The following SUSD3 variants were observed in gnomAD, a reference collection of about 807,000 sequenced individuals.
SUSD3 encodes the protein sushi domain containing 3, also known as sushi domain-containing protein 3.
A neutral mutation model predicts 20.6 loss-of-function variants in SUSD3; 18 were observed. That is an observed-to-expected ratio of 0.87 (90% CI 0.60 to 1.30). SUSD3 has a LOEUF of 1.30. Among genes scored for constraint, SUSD3 ranks in the 50% most tolerant of loss-of-function variants. The pLI is 0.00. For missense variants in SUSD3, 306 were observed against 346.9 expected (o/e 0.88, Z 0.94); for synonymous variants, 137 against 141.5 (o/e 0.97, Z 0.23).
At chr9:93,079,716 GC>G in intron 4 of SUSD3, 114 bp downstream of exon 4, 1 of 1,168,188 alleles carries the variant, frequency 8.6e-7, no homozygotes, top group Non-Finnish European at 1.2e-6. Context: ...CACACGCCTA[GC>G]CCACCCAGAA....
chr9:93,067,057 T>G (rs745723713), intron 1 of SUSD3, among the ~76,000 whole-genome samples: 1 of 152,192 alleles, frequency 6.6e-6, no homozygotes. Context: ...GAAGATCCCA[T>G]ACCCCTTAGC....
intron 4 of SUSD3, among the ~76,000 whole-genome samples, chr9:93,081,305 C>T (rs532017410): frequency 6.2e-4 from 95 of 152,260 alleles, no homozygotes; most frequent in African/African-American, 1.1e-3. Flanking sequence ...GGCATCCAGA[C>T]GACATCATTG....
chr9:93,080,524 C>T (rs527833921), intron 4 of SUSD3, among the ~76,000 whole-genome samples: 24 of 152,172 alleles, frequency 1.6e-4, no homozygotes, highest in Non-Finnish European at 3.2e-4. Context: ...CTCCTGTCTG[C>T]GTCTGTCTGG....
intron 1 of SUSD3, among the ~76,000 whole-genome samples, chr9:93,071,354 G>A (rs560074577): frequency 1.4e-4 from 21 of 152,354 alleles, no homozygotes; most frequent in Admixed American, 1.2e-3. Context: ...CCCGACAGCC[G>A]TTGGCAAGCC....
chr9:93,058,926 G>A, intron 1 of SUSD3, 96 bp downstream of exon 1: 2 of 690,168 alleles, frequency 2.9e-6, no homozygotes, highest in South Asian at 5.0e-5. Context: ...GCACAGCCGT[G>A]GGTGGGGGCC....
chr9:93,074,541 G>C (rs186020449), intron 1 of SUSD3, among the ~76,000 whole-genome samples: 72 of 151,440 alleles, frequency 4.8e-4, no homozygotes, highest in African/African-American at 1.7e-3. Context: ...CTGGAGGCGT[G>C]GGTTGTTTCA....
intron 1 of SUSD3, among the ~76,000 whole-genome samples, chr9:93,069,948 T>A (rs1350451267): frequency 6.6e-6 from 1 of 152,048 alleles, no homozygotes; most frequent in Non-Finnish European, 1.5e-5. Flanking sequence ...ACCCGGTTAA[T>A]TTTTGATTTT....
chr9:93,065,615 C>T (rs930718291), intron 1 of SUSD3, among the ~76,000 whole-genome samples: 2 of 152,228 alleles, frequency 1.3e-5, no homozygotes, highest in African/African-American at 4.8e-5. Flanking sequence ...GTGGCCAGCC[C>T]GTGGCTGCCC....
chr9:93,081,380 C>G (rs1826408127), intron 4 of SUSD3, among the ~76,000 whole-genome samples: 1 of 152,174 alleles, frequency 6.6e-6, no homozygotes, highest in Admixed American at 6.5e-5. Context: ...GCACTTGGTC[C>G]CAGCCCTCAT....
chr9:93,061,688 C>T (rs1268759841), intron 1 of SUSD3, among the ~76,000 whole-genome samples: 3 of 152,202 alleles, frequency 2.0e-5, no homozygotes, highest in Non-Finnish European at 2.9e-5. Flanking sequence ...CCAGGCCTGT[C>T]CCCACTGCCA....
intron 1 of SUSD3, among the ~76,000 whole-genome samples, chr9:93,067,108 C>T (rs1825747634): frequency 6.6e-6 from 1 of 152,236 alleles, no homozygotes; most frequent in Admixed American, 6.5e-5. Flanking sequence ...CTTCTGACAG[C>T]CACTAATCTG....
intron 1 of SUSD3, among the ~76,000 whole-genome samples, chr9:93,063,875 C>T (rs572373647): frequency 6.6e-6 from 1 of 152,206 alleles, no homozygotes; most frequent in Non-Finnish European, 1.5e-5. Flanking sequence ...CCAGCCCCAC[C>T]AGGCACCATC....
At chr9:93,069,179 G>A (rs1340253154) in intron 1 of SUSD3, 1 of 701,378 alleles carries the variant, frequency 1.4e-6, no homozygotes. Flanking sequence ...CACTCTGAGT[G>A]TTGTGATGAA....
At position 93,058,726 on chromosome 9, in the gene SUSD3, G is replaced by C. The variant is rs975151475; in HGVS notation, c.-17G>C. On this transcript the variant is annotated 5_prime_UTR_variant, in exon 1 of 5. Coordinates refer to ENST00000375472, the MANE Select transcript of SUSD3 (RefSeq NM_145006.4). ...ACTCCCCTGGCAGACCCCGCCAAGC[G>C]CCTCGGAGCGCGCAGGATGCGCTGG... is the stretch of plus-strand genomic sequence containing the variant. 4 of 1,230,038 alleles carry C rather than the reference G, an allele frequency of 3.3e-6. No individual in the cohort carries two copies. Among genetic ancestry groups the C allele is most frequent in the Non-Finnish European group, 4.1e-6 (4 of 985,544 alleles). The allele number at this position is 1,230,038 out of a possible 1,614,324, so 76.2% of individuals were successfully genotyped here. A position where few individuals can be genotyped will look rare whatever the true frequency, so the allele number is the denominator to read the frequency against.
At chr9:93,066,393 C>T (rs1825713230) in intron 1 of SUSD3, among the ~76,000 whole-genome samples, 2 of 152,124 alleles carry the variant, frequency 1.3e-5, no homozygotes. Flanking sequence ...GCCACCACGC[C>T]CAGCTAATTT....
intron 1 of SUSD3, 92 bp from the exon 2 acceptor site, chr9:93,075,692 T>C (rs1826109774): frequency 1.1e-6 from 1 of 880,228 alleles, no homozygotes; most frequent in Admixed American, 2.2e-5. Context: ...CCCAATGCTG[T>C]GCCAGCTCCT....
At chr9:93,079,333 A>C in intron 3 of SUSD3, 138 bp from the exon 4 acceptor site, 1 of 901,320 alleles carries the variant, frequency 1.1e-6, no homozygotes, top group South Asian at 1.7e-5. Context: ...AAAAACATCC[A>C]CTGCCCAGCT....
chr9:93,074,463 A>G (rs1055347033), intron 1 of SUSD3, among the ~76,000 whole-genome samples: 27 of 148,324 alleles, frequency 1.8e-4, no homozygotes, highest in African/African-American at 6.3e-4. Context: ...AAAAAAGAAC[A>G]TCACTGTAAG....
chr9:93,074,665 G>A (rs1826055499), intron 1 of SUSD3, among the ~76,000 whole-genome samples: 1 of 142,898 alleles, frequency 7.0e-6, no homozygotes, highest in Non-Finnish European at 1.5e-5. Context: ...CTGTTGCCAG[G>A]CTGGAGTGCA....
Sources: allele counts gnomAD v4.1 joint callset (sites outside exome capture counted in the v4.1 genomes callset), GRCh38; gene constraint gnomAD v4.1.1; transcripts MANE v1.5; gene names NCBI Gene and HGNC (gene_info 2026-07-23, HGNC 2026-07-21).